LIN52: variants seen among roughly 807,000 people sequenced by gnomAD.
The protein encoded by LIN52 is lin-52 DREAM MuvB core complex component.
A neutral mutation model predicts 18.5 loss-of-function variants in LIN52; 4 were observed. The observed-to-expected ratio is 0.22, with a 90% CI of 0.11 to 0.49. The LOEUF (loss-of-function observed/expected upper bound fraction) is 0.49. LIN52 is among the 20% of genes least tolerant of loss of function. The pLI is 0.97. For synonymous variants in LIN52, 34 were observed against 45.5 expected (o/e 0.75, Z 1.02); for missense variants, 102 against 139.5 (o/e 0.73, Z 1.35).
At chr14:74,097,014 A>G (rs1427456265) in intron 3 of LIN52, among the ~76,000 whole-genome samples, 1 of 152,154 alleles carries the variant, frequency 6.6e-6, no homozygotes, top group Non-Finnish European at 1.5e-5. Context: ...GTTTCCTAAA[A>G]CCTCTACAAT....
intron 5 of LIN52, among the ~76,000 whole-genome samples, chr14:74,103,427 ATTTT>A (rs11347849): frequency 1.0e-4 from 9 of 88,570 alleles, no homozygotes; most frequent in African/African-American, 3.8e-4. Context: ...AAAATGTAAG[ATTTT>A]TTTTTTTTTT....
intron 5 of LIN52, among the ~76,000 whole-genome samples, chr14:74,128,798 G>T (rs2061042877): frequency 6.6e-6 from 1 of 152,006 alleles, no homozygotes; most frequent in Non-Finnish European, 1.5e-5. Context: ...CAGAACATTA[G>T]CCTGCTGTGG....
At chr14:74,091,647 A>G (rs897414249) in intron 2 of LIN52, among the ~76,000 whole-genome samples, 4 of 151,870 alleles carry the variant, frequency 2.6e-5, no homozygotes, top group African/African-American at 4.8e-5. Flanking sequence ...GGTGGCACAC[A>G]CCTGTAATCC....
intron 5 of LIN52, among the ~76,000 whole-genome samples, chr14:74,152,321 A>G (rs2061180058): frequency 6.9e-6 from 1 of 144,896 alleles, no homozygotes; most frequent in Non-Finnish European, 1.5e-5. Flanking sequence ...TGGGCTCTAC[A>G]TTGTTTTTAT....
intron 5 of LIN52, among the ~76,000 whole-genome samples, chr14:74,160,116 A>G (rs1201487980): frequency 6.6e-6 from 1 of 152,196 alleles, no homozygotes; most frequent in Non-Finnish European, 1.5e-5. Flanking sequence ...TTAAGTTAAA[A>G]TGAGGTCATT....
At chr14:74,097,954 T>C in intron 4 of LIN52, 94 bp downstream of exon 4, 1 of 927,048 alleles carries the variant, frequency 1.1e-6, no homozygotes, top group South Asian at 1.5e-5. Flanking sequence ...ACAAGTATTT[T>C]TGGCTTCAGA....
At chr14:74,098,248 G>A (rs1433942871) in intron 4 of LIN52, among the ~76,000 whole-genome samples, 5 of 152,134 alleles carry the variant, frequency 3.3e-5, no homozygotes, top group African/African-American at 7.2e-5. Flanking sequence ...TTGGCTAGGC[G>A]TGGCTCATGT....
At chr14:74,100,524 G>A (rs1333626549) in intron 4 of LIN52, among the ~76,000 whole-genome samples, 1 of 151,870 alleles carries the variant, frequency 6.6e-6, no homozygotes, top group Non-Finnish European at 1.5e-5. Context: ...TGCCTAGGCT[G>A]GAGTGCAGTG....
chr14:74,181,742 G>T (rs1194287363), intron 5 of LIN52, among the ~76,000 whole-genome samples: 2 of 151,990 alleles, frequency 1.3e-5, no homozygotes, highest in Non-Finnish European at 2.9e-5. Context: ...TTTTAAATAA[G>T]ATTATTCAGA....
chr14:74,149,282 C>T (rs550954243), intron 5 of LIN52, among the ~76,000 whole-genome samples: 65 of 152,214 alleles, frequency 4.3e-4, no homozygotes, highest in African/African-American at 4.8e-5. Flanking sequence ...GTTTTATAAC[C>T]CTCAGCTACA....
chr14:74,180,210 C>T (rs182858552), intron 5 of LIN52, among the ~76,000 whole-genome samples: 4 of 151,902 alleles, frequency 2.6e-5, no homozygotes, highest in East Asian at 1.9e-4. Context: ...GTGTCTACAC[C>T]GAGGACAAAC....
At chr14:74,098,734 G>A (rs1441495205) in intron 4 of LIN52, among the ~76,000 whole-genome samples, 2 of 152,124 alleles carry the variant, frequency 1.3e-5, no homozygotes, top group African/African-American at 2.4e-5. Flanking sequence ...TTTTAGTAGA[G>A]ATGGGGTTTC....
chr14:74,105,309 A>G (rs547596778), intron 5 of LIN52, among the ~76,000 whole-genome samples: 2 of 152,304 alleles, frequency 1.3e-5, no homozygotes, highest in South Asian at 2.1e-4. Flanking sequence ...AAAACTGTAT[A>G]AGAGAAATGC....
chr14:74,090,362 G>A (rs749096671), intron 1 of LIN52, among the ~76,000 whole-genome samples: 6 of 150,838 alleles, frequency 4.0e-5, no homozygotes, highest in Admixed American at 2.7e-4. Context: ...TTGAGATGGC[G>A]TCTCATTCTG....
intron 5 of LIN52, among the ~76,000 whole-genome samples, chr14:74,110,864 G>A (rs1260645451): frequency 2.6e-5 from 4 of 151,156 alleles, no homozygotes; most frequent in African/African-American, 9.7e-5. Flanking sequence ...AACTTGGGAG[G>A]CTGAGGCAGG....
At chr14:74,148,779 T>C (rs762991509) in intron 5 of LIN52, among the ~76,000 whole-genome samples, 13 of 152,298 alleles carry the variant, frequency 8.5e-5, no homozygotes, top group Admixed American at 7.8e-4. Flanking sequence ...CCTCCACATA[T>C]AGATCAGTAT....
intron 5 of LIN52, among the ~76,000 whole-genome samples, chr14:74,103,219 C>T (rs1263058028): frequency 6.6e-6 from 1 of 152,088 alleles, no homozygotes; most frequent in African/African-American, 2.4e-5. Flanking sequence ...GCGGGGACTA[C>T]AGGCATGCAC....
intron 5 of LIN52, among the ~76,000 whole-genome samples, chr14:74,153,755 G>A (rs1243787987): frequency 6.6e-6 from 1 of 152,060 alleles, no homozygotes; most frequent in Non-Finnish European, 1.5e-5. Context: ...TGTTGGTCAG[G>A]CTGGTTTCGA....
At chr14:74,134,890 T>G (rs1401024263) in intron 5 of LIN52, among the ~76,000 whole-genome samples, 1 of 152,228 alleles carries the variant, frequency 6.6e-6, no homozygotes, top group Admixed American at 6.5e-5. Context: ...TCTTTAGTGT[T>G]TTCTTCCTTA....
Sources: gnomAD v4.1 joint callset for allele counts (sites outside exome capture counted in the v4.1 genomes callset) on GRCh38, gnomAD v4.1.1 for gene constraint, MANE v1.5 for transcripts, NCBI Gene and HGNC (gene_info 2026-07-23, HGNC 2026-07-21) for gene names.